Variants in AMPH observed in about 807,000 individuals in gnomAD.
AMPH encodes amphiphysin (Stiff-Mann syndrome with breast cancer 128kD autoantigen).
In AMPH, 49 loss-of-function variants were observed where a neutral mutation model predicts 99.1. The ratio of observed to expected loss-of-function variants is 0.49; its 90% CI spans 0.39 to 0.63. The LOEUF (loss-of-function observed/expected upper bound fraction) is 0.63, where lower values mean the gene tolerates loss of function less well. Among genes scored for constraint, AMPH ranks in the 20% least tolerant of loss-of-function variants. The pLI, the probability that AMPH is intolerant of heterozygous loss-of-function variation, is 0.00. For missense variants in AMPH, 759 were observed against 863.4 expected (o/e 0.88, Z 1.52); for synonymous variants, 314 against 317.3 (o/e 0.99, Z 0.11).
chr7:38,597,866 G>C (rs1376157308), intron 1 of AMPH, among the ~76,000 whole-genome samples: 2 of 152,178 alleles, frequency 1.3e-5, no homozygotes, highest in Non-Finnish European at 1.5e-5. Flanking sequence ...ATCTTTTCAG[G>C]TGTAGTATCT....
At chr7:38,417,161 A>G (rs1327290794) in intron 17 of AMPH, among the ~76,000 whole-genome samples, 5 of 152,188 alleles carry the variant, frequency 3.3e-5, no homozygotes, top group Admixed American at 6.5e-5. Context: ...ACAATGTCCA[A>G]TTCTACTTGG....
intron 14 of AMPH, chr7:38,429,299 C>T (rs756058422): frequency 6.7e-5 from 86 of 1,286,792 alleles, no homozygotes; most frequent in East Asian, 1.1e-4. Context: ...AGGCTGGCCC[C>T]GGGGCATGCT....
At chr7:38,484,523 A>G (rs1788415089) in intron 5 of AMPH, among the ~76,000 whole-genome samples, 1 of 152,136 alleles carries the variant, frequency 6.6e-6, no homozygotes, top group African/African-American at 2.4e-5. Flanking sequence ...AAGAAGAGAT[A>G]AAGACATTGC....
At chr7:38,525,717 G>A (rs919127257) in intron 2 of AMPH, among the ~76,000 whole-genome samples, 1 of 152,002 alleles carries the variant, frequency 6.6e-6, no homozygotes, top group Non-Finnish European at 1.5e-5. Flanking sequence ...TTTTAGAATT[G>A]GATTTTTTCA....
intron 2 of AMPH, among the ~76,000 whole-genome samples, chr7:38,513,829 G>A (rs1307404560): frequency 6.6e-6 from 1 of 152,164 alleles, no homozygotes; most frequent in Non-Finnish European, 1.5e-5. Context: ...GCCTACTCAA[G>A]GGAACAGATC....
chr7:38,551,238 C>A (rs1019339828), intron 1 of AMPH, among the ~76,000 whole-genome samples: 1 of 152,158 alleles, frequency 6.6e-6, no homozygotes, highest in African/African-American at 2.4e-5. Context: ...TAGGCTTTAA[C>A]TCTATCTTGT....
chr7:38,561,811 G>A (rs777248077), intron 1 of AMPH, among the ~76,000 whole-genome samples: 15 of 151,864 alleles, frequency 9.9e-5, no homozygotes, highest in African/African-American at 2.2e-4. Flanking sequence ...AGACACCAGC[G>A]TTTCCTCTCT....
chr7:38,384,748 T>C lies in AMPH; in HGVS notation c.*70A>G. The C allele has an allele frequency of 7.9e-7, 1 of 1,273,036 alleles. No homozygotes were observed. 78.9% of individuals were successfully genotyped at this position (1,273,036 alleles called of 1,614,324 possible). ...ATCATTAAGAGCATAATAACAAAAG[T>C]GAACTCTTCAGGTTTTCATGAAGGT... On this transcript the variant is annotated 3_prime_UTR_variant, in exon 21 of 21. Coordinates refer to ENST00000356264, the MANE Select transcript of AMPH (RefSeq NM_001635.4).
At chr7:38,466,318 G>T in intron 7 of AMPH, 70 bp from the exon 8 acceptor site, 2 of 1,239,980 alleles carry the variant, frequency 1.6e-6, no homozygotes, top group Non-Finnish European at 2.3e-6. Context: ...AATTTTAATA[G>T]CAATGAAATG....
At chr7:38,555,881 T>C (rs1195201887) in intron 1 of AMPH, among the ~76,000 whole-genome samples, 4 of 152,146 alleles carry the variant, frequency 2.6e-5, no homozygotes, top group Non-Finnish European at 5.9e-5. Flanking sequence ...AAATACCACA[T>C]GTTCTCACTT....
chr7:38,511,519 T>C (rs1789540829), intron 2 of AMPH, among the ~76,000 whole-genome samples: 1 of 152,186 alleles, frequency 6.6e-6, no homozygotes, highest in South Asian at 2.1e-4. Context: ...ACAATGGATA[T>C]GAGAAAAATC....
At chr7:38,434,024 C>T (rs1786160014) in intron 12 of AMPH, among the ~76,000 whole-genome samples, 1 of 152,002 alleles carries the variant, frequency 6.6e-6, no homozygotes, top group African/African-American at 2.4e-5. Flanking sequence ...CAGTGCTATG[C>T]TTTTTTTGTC....
intron 6 of AMPH, 75 bp from the exon 7 acceptor site, chr7:38,475,491 A>C: frequency 1.0e-6 from 1 of 962,952 alleles, no homozygotes; most frequent in Non-Finnish European, 1.6e-6. Flanking sequence ...TTAATGTAAA[A>C]TAAGAATAGT....
chr7:38,478,375 AT>A (rs1240198927), intron 5 of AMPH, among the ~76,000 whole-genome samples: 1 of 152,166 alleles, frequency 6.6e-6, no homozygotes, highest in African/African-American at 2.4e-5. Flanking sequence ...TTCTGGAGGA[AT>A]TTGAAAGCTG....
intron 11 of AMPH, among the ~76,000 whole-genome samples, chr7:38,454,854 A>G (rs1787169660): frequency 6.6e-6 from 1 of 152,256 alleles, no homozygotes; most frequent in Admixed American, 6.5e-5. Context: ...GGTACAACCA[A>G]CTGAGAGAAT....
At chr7:38,595,877 T>C (rs1793036312) in intron 1 of AMPH, among the ~76,000 whole-genome samples, 1 of 152,222 alleles carries the variant, frequency 6.6e-6, no homozygotes, top group Non-Finnish European at 1.5e-5. Context: ...TGCATCCATG[T>C]TGCTGCAAAA....
At chr7:38,455,220 A>G (rs6966460) in intron 11 of AMPH, among the ~76,000 whole-genome samples, 24,279 of 151,668 alleles carry the variant, frequency 0.16, 2,144 homozygotes, top group East Asian at 0.28. Context: ...ACAGGCATGC[A>G]CCACCATGCC....
intron 5 of AMPH, among the ~76,000 whole-genome samples, chr7:38,484,408 T>C (rs898872659): frequency 2.0e-5 from 3 of 152,086 alleles, no homozygotes; most frequent in African/African-American, 7.2e-5. Flanking sequence ...ATACTATTAG[T>C]GGATTTTTAG....
chr7:38,618,493 C>T (rs1440225734), intron 1 of AMPH, among the ~76,000 whole-genome samples: 1 of 151,268 alleles, frequency 6.6e-6, no homozygotes, highest in Non-Finnish European at 1.5e-5. Context: ...GCCTGGGTGA[C>T]AGAGTGAGAC....
Sources: gnomAD v4.1 joint callset for allele counts (sites outside exome capture counted in the v4.1 genomes callset) on GRCh38, gnomAD v4.1.1 for gene constraint, MANE v1.5 for transcripts, NCBI Gene and HGNC (gene_info 2026-07-23, HGNC 2026-07-21) for gene names.